Variants in HEATR6 observed in about 807,000 individuals in gnomAD.
HEATR6 encodes HEAT repeat containing 6.
A neutral mutation model predicts 132.8 loss-of-function variants in HEATR6; 106 were observed. That is an observed-to-expected ratio of 0.80 (90% CI 0.68 to 0.94). The LOEUF (loss-of-function observed/expected upper bound fraction) is 0.94. HEATR6 is among the 40% of genes least tolerant of loss of function. The pLI, the probability that HEATR6 is intolerant of heterozygous loss-of-function variation, is 0.00. For synonymous variants in HEATR6, 529 were observed against 537.8 expected (o/e 0.98, Z 0.23); for missense variants, 1,339 against 1,425.1 (o/e 0.94, Z 0.97).
Position 60,049,593 on chromosome 17 carries a change from G to A in HEATR6, c.2534C>T (p.Pro845Leu). Reference protein sequence around the residue: ...SRALGVYVLFPCLRQDVIFVA... With the variant: ...SRALGVYVLFLCLRQDVIFVA... ...GCTCACTCTGACCTGTCTGAGACAG[G>A]GAAAAAGCACATAGACTCCCAGGGC... is the stretch of plus-strand genomic sequence containing the variant. Residue 845 changes from proline to leucine, a missense_variant, in exon 16 of 20, where the codon CCC becomes CTC. By Grantham distance (98) the Pro-to-Leu change is moderately conservative (BLOSUM62 -3). Coordinates refer to ENST00000184956, the MANE Select transcript of HEATR6 (RefSeq NM_022070.5). 1.2e-6 allele frequency: 2 copies of A among 1,613,808 alleles called. No homozygotes were observed. The highest frequency in any genetic ancestry group is 1.7e-6 in the Non-Finnish European group (2 of 1,179,786).
At chr17:60,072,178 T>C (rs774484708) in intron 5 of HEATR6, 37 bp downstream of exon 5, 2 of 1,106,562 alleles carry the variant, frequency 1.8e-6, no homozygotes, top group South Asian at 3.0e-5. Flanking sequence ...TCTAGACACA[T>C]CCGCAACATT....
At chr17:60,048,203 G>A in intron 17 of HEATR6, 61 bp downstream of exon 17, 1 of 1,559,908 alleles carries the variant, frequency 6.4e-7, no homozygotes, top group Non-Finnish European at 8.8e-7. Context: ...AGAGATCGAG[G>A]ACATTCTCTT....
Position 60,076,150 on chromosome 17 carries a change from G to A in HEATR6, c.307C>T (p.His103Tyr), listed in dbSNP as rs748130531. 2.4e-5 allele frequency: 38 copies of A among 1,603,974 alleles called. No homozygotes were observed. Among genetic ancestry groups the A allele is most frequent in the Non-Finnish European group, 3.2e-5 (38 of 1,172,038 alleles). ...LVSKVSQLIHHLLNRLQVIVD... is the reference protein window; with the variant it reads ...LVSKVSQLIHYLLNRLQVIVD... ...ATTACCTGTAATCTGTTAAGTAAAT[G>A]GTGGATAAGCTGGCTCACTTTGCTG... The change falls in exon 2 of 20, where the codon CAT becomes TAT. Residue 103 changes from histidine (H) to tyrosine (Y), a missense_variant. Physicochemically the swap from His to Tyr is moderately conservative, Grantham distance 83 (BLOSUM62 2). Coordinates refer to ENST00000184956, the MANE Select transcript of HEATR6 (RefSeq NM_022070.5).
intron 7 of HEATR6, among the ~76,000 whole-genome samples, chr17:60,069,247 C>G (rs2083257549): frequency 6.6e-6 from 1 of 152,240 alleles, no homozygotes; most frequent in African/African-American, 2.4e-5. Flanking sequence ...GCCCAAAAGC[C>G]AAATCCAGCC....
Position 60,046,073 on chromosome 17 carries a change from C to A in HEATR6, c.2926G>T (p.Ala976Ser), listed in dbSNP as rs755692326. The A allele has an allele frequency of 6.2e-7, 1 of 1,614,090 alleles. No individual in the cohort carries two copies. The highest frequency in any genetic ancestry group is 1.1e-5 in the South Asian group (1 of 91,080). Residue 976 changes from alanine (A) to serine (S), a missense_variant, in exon 19 of 20, where the codon GCT becomes TCT. Transcript: ENST00000184956. ...TEAAMKVRWN[A>S]CYAMGNVFKN... is the part of the protein sequence containing the mutation. ...AATACATTTCCCATTGCATAACAAG[C>A]ATTCCATCGGACTTTCATGGCAGCT...
intron 15 of HEATR6, 42 bp downstream of exon 15, chr17:60,050,801 C>T (rs1309579767): frequency 1.2e-6 from 2 of 1,609,930 alleles, no homozygotes; most frequent in Non-Finnish European, 1.7e-6. Context: ...AGCTCTGGTG[C>T]TCCAGCCATG....
At chr17:60,066,447 C>G in intron 8 of HEATR6, 61 bp from the exon 9 acceptor site, 1 of 1,226,454 alleles carries the variant, frequency 8.2e-7, no homozygotes, top group Non-Finnish European at 1.1e-6. Context: ...AAAAAAAATG[C>G]AAACATGAAA....
chr17:60,057,015 C>G, intron 12 of HEATR6, 33 bp downstream of exon 12: 1 of 1,477,144 alleles, frequency 6.8e-7, no homozygotes, highest in Non-Finnish European at 9.2e-7. Context: ...ATGGTTACTT[C>G]CATTTCAGAG....
intron 7 of HEATR6, among the ~76,000 whole-genome samples, chr17:60,068,392 GA>G (rs971231614): frequency 6.6e-5 from 10 of 151,668 alleles, no homozygotes; most frequent in African/African-American, 1.9e-4. Context: ...CTGTGGCCTT[GA>G]GGAAGGAAGT....
intron 9 of HEATR6, among the ~76,000 whole-genome samples, chr17:60,062,171 C>T (rs1387595608): frequency 1.3e-5 from 2 of 152,180 alleles, no homozygotes; most frequent in Non-Finnish European, 2.9e-5. Context: ...ACTTAAGATA[C>T]TGAATCTGGT....
rs1213052568 is a variant in HEATR6, at chr17:60,070,792, A to G, written c.715T>C (p.Leu239=). The part of the protein sequence containing the change: ...ITFCMLLQNA[L]KGIQSLLNGG... ...TTTAGAAGTGACTGTATACCTTTTA[A>G]TGCATTTTGCAATAACTAGGGGGAA... Residue 239 remains leucine (L), a synonymous_variant, in exon 6 of 20, where the codon TTA becomes CTA. Transcript: ENST00000184956. 2.5e-6 allele frequency: 4 copies of G among 1,591,664 alleles called. No homozygotes were observed. The highest frequency in any genetic ancestry group is 3.4e-6 in the Non-Finnish European group (4 of 1,159,886).
In HEATR6 at chr17:60,072,413, A is replaced by G. The variant is rs888046811; in HGVS notation, c.585-84T>C. 8 of 679,284 alleles carry G rather than the reference A, an allele frequency of 1.2e-5. 1 individual carries two copies. Among genetic ancestry groups the G allele is most frequent in the Non-Finnish European group, 1.8e-5 (7 of 393,664 alleles). The allele number at this position is 679,284 out of a possible 1,614,324, so 42.1% of individuals were successfully genotyped here. A position where few individuals can be genotyped will look rare whatever the true frequency, so the allele number is the denominator to read the frequency against. On this transcript the variant is annotated intron_variant, in intron 4 of 19. Coordinates refer to ENST00000184956, the MANE Select transcript of HEATR6 (RefSeq NM_022070.5). Reference sequence around the variant, plus strand: ...AAGACTAATTAAAAATAGCAGTAATATAGACTATTAGAGTTGGAATATACC... The same window carrying G: ...AAGACTAATTAAAAATAGCAGTAATGTAGACTATTAGAGTTGGAATATACC...
Position 60,069,802 on chromosome 17 carries a change from G to A in HEATR6, c.848C>T (p.Thr283Met), listed in dbSNP as rs1459480120. 5.0e-6 allele frequency: 8 copies of A among 1,613,836 alleles called. No individual in the cohort carries two copies. Among genetic ancestry groups the A allele is most frequent in the Non-Finnish European group, 5.9e-6 (7 of 1,179,940 alleles). Reference protein sequence around the residue: ...GLPGLNIEMPTVLYPTPLPQY... With the variant: ...GLPGLNIEMPMVLYPTPLPQY... ...AGGAAGCGGAGTTGGGTATAACACCGTGGGCATCTCTATGTTTAGTCCAGG... is the reference window on the plus strand; with the variant it reads ...AGGAAGCGGAGTTGGGTATAACACCATGGGCATCTCTATGTTTAGTCCAGG... The change falls in exon 7 of 20, where the codon ACG (threonine) becomes ATG (methionine). Residue 283 changes from threonine to methionine, a missense_variant. Coordinates refer to ENST00000184956, the MANE Select transcript of HEATR6 (RefSeq NM_022070.5).
At chr17:60,073,334 T>C (rs1282491747) in intron 3 of HEATR6, 55 bp from the exon 4 acceptor site, 11 of 1,015,374 alleles carry the variant, frequency 1.1e-5, no homozygotes, top group East Asian at 9.6e-5. Flanking sequence ...GAAAATATTA[T>C]GTTTTAGACA....
intron 9 of HEATR6, among the ~76,000 whole-genome samples, chr17:60,061,712 C>G (rs541219455): frequency 5.9e-4 from 90 of 152,286 alleles, no homozygotes; most frequent in Non-Finnish European, 1.0e-3. Flanking sequence ...ATTTTAAAAC[C>G]ATTTAAAAGT....
At chr17:60,045,978 G>T in intron 19 of HEATR6, 47 bp downstream of exon 19, 2 of 1,303,860 alleles carry the variant, frequency 1.5e-6, no homozygotes, top group Non-Finnish European at 1.1e-6. Context: ...AGATTGGTGT[G>T]TGTCCCAAGA....
chr17:60,055,966 C>T (rs1017292348), intron 13 of HEATR6, 149 bp downstream of exon 13: 56 of 943,658 alleles, frequency 5.9e-5, no homozygotes, highest in Non-Finnish European at 8.0e-5. Flanking sequence ...GCATGTCCTC[C>T]TTACCTGAAA....
In HEATR6 at chr17:60,074,094, T is replaced by G. The variant is rs2145202663; in HGVS notation, c.328-208A>C. 2.4e-6 allele frequency: 3 copies of G among 1,268,856 alleles called. No individual in the cohort carries two copies. In the East Asian group the frequency reaches 9.5e-5, roughly 40 times the overall value. The allele number at this position is 1,268,856 out of a possible 1,614,324, so 78.6% of individuals were successfully genotyped here. Reference sequence around the variant, plus strand: ...CCCCAAGGTCTTGCTCACTTCTTCCTCTTTAGTAAAGTAGAACTTGATGAA... The same window carrying G: ...CCCCAAGGTCTTGCTCACTTCTTCCGCTTTAGTAAAGTAGAACTTGATGAA... On this transcript the variant is annotated intron_variant, in intron 2 of 19. Transcript: ENST00000184956.
At position 60,073,812 on chromosome 17, in the gene HEATR6, C is replaced by T; in HGVS notation, c.402G>A (p.Trp134Ter). 4 of 1,613,902 alleles carry T rather than the reference C, an allele frequency of 2.5e-6. No individual in the cohort carries two copies. The highest frequency in any genetic ancestry group is 3.4e-6 in the Non-Finnish European group (4 of 1,179,820). Reference protein sequence around the residue: ...TISAIHQCSSWTHREILQALA... With the variant: ...TISAIHQCSS ...GGGCTTGAAGAATTTCCCTGTGTGT[C>T]CAGGAACTACACTGATGAATAGCCG... Residue 134 changes from tryptophan (W) to a stop codon, truncating the protein, a stop_gained, in exon 3 of 20, where the codon TGG becomes TGA. Coordinates refer to ENST00000184956, the MANE Select transcript of HEATR6 (RefSeq NM_022070.5). LOFTEE classifies it high-confidence loss of function.
Sources: gnomAD v4.1 joint callset for allele counts (sites outside exome capture counted in the v4.1 genomes callset) on GRCh38, gnomAD v4.1.1 for gene constraint, MANE v1.5 for transcripts, NCBI Gene and HGNC (gene_info 2026-07-23, HGNC 2026-07-21) for gene names.